GRID2: variants seen among roughly 807,000 people sequenced by gnomAD.
GRID2 encodes glutamate receptor ionotropic, delta-2.
A neutral mutation model predicts 114.8 loss-of-function variants in GRID2; 33 were observed. The observed-to-expected ratio is 0.29, with a 90% CI of 0.22 to 0.38. The LOEUF (loss-of-function observed/expected upper bound fraction) is 0.38. GRID2 is among the 10% of genes least tolerant of loss of function. The pLI is 1.00. For missense variants in GRID2, 1,184 were observed against 1,257.7 expected (o/e 0.94, Z 0.89); for synonymous variants, 505 against 449.9 (o/e 1.12, Z -1.55).
In GRID2 at chr4:92,400,424, C is replaced by T. The variant is rs184197943; in HGVS notation, c.88+95680C>T. 2.6e-3 allele frequency among the ~76,000 whole-genome samples: 402 copies of T among 152,248 alleles called. 3 individuals carry two copies. The highest frequency in any genetic ancestry group is 4.1e-3 in the Non-Finnish European group (277 of 68,006). ...TTTTCAAGGTTCATTCATGCTGTAGCATGTATTAGTACTTTATTCCTTTTT... is the reference window on the plus strand; with the variant it reads ...TTTTCAAGGTTCATTCATGCTGTAGTATGTATTAGTACTTTATTCCTTTTT... On this transcript the variant is annotated intron_variant, in intron 1 of 15. Coordinates refer to ENST00000282020, the MANE Select transcript of GRID2 (RefSeq NM_001510.4).
At chr4:92,420,585 A>G (rs1433025939) in intron 1 of GRID2, among the ~76,000 whole-genome samples, 1 of 152,136 alleles carries the variant, frequency 6.6e-6, no homozygotes, top group African/African-American at 2.4e-5. Context: ...TCTGTCCTTC[A>G]CATAATACAT....
intron 1 of GRID2, among the ~76,000 whole-genome samples, chr4:92,530,768 G>T (rs12650419): frequency 6.7e-6 from 1 of 150,182 alleles, no homozygotes; most frequent in Non-Finnish European, 1.5e-5. Context: ...TTAGCTGGGC[G>T]TGGTGGCGTG....
At chr4:93,636,209 G>T (rs369911917) in intron 14 of GRID2, among the ~76,000 whole-genome samples, 1 of 152,216 alleles carries the variant, frequency 6.6e-6, no homozygotes, top group East Asian at 1.9e-4. Context: ...CATGATGCTG[G>T]ACCAAGCTGC....
intron 2 of GRID2, among the ~76,000 whole-genome samples, chr4:92,850,288 G>A (rs1743678894): frequency 6.6e-6 from 1 of 151,460 alleles, no homozygotes; most frequent in Non-Finnish European, 1.5e-5. Flanking sequence ...CATATTGTAT[G>A]TTATAATTAT....
At chr4:92,836,603 T>A (rs980462114) in intron 2 of GRID2, among the ~76,000 whole-genome samples, 2 of 152,154 alleles carry the variant, frequency 1.3e-5, no homozygotes, top group Admixed American at 6.6e-5. Context: ...TTCATGTCCA[T>A]TTCTACTTTA....
At chr4:92,478,079 T>A in intron 1 of GRID2, among the ~76,000 whole-genome samples, 1 of 151,858 alleles carries the variant, frequency 6.6e-6, no homozygotes. Context: ...AAATTGACTG[T>A]ATCCCATCCA....
intron 14 of GRID2, among the ~76,000 whole-genome samples, chr4:93,681,865 C>CATGG (rs1725582903): frequency 1.3e-5 from 2 of 151,924 alleles, no homozygotes; most frequent in African/African-American, 4.8e-5. Context: ...AGGACATAGG[C>CATGG]ATGGGCAAGG....
intron 10 of GRID2, among the ~76,000 whole-genome samples, chr4:93,431,845 T>A (rs1203976157): frequency 2.6e-5 from 4 of 152,092 alleles, no homozygotes; most frequent in Non-Finnish European, 5.9e-5. Flanking sequence ...AGGATAAATA[T>A]CCTGGAACAG....
chr4:92,532,829 T>C (rs1019484113), intron 1 of GRID2, among the ~76,000 whole-genome samples: 1 of 152,096 alleles, frequency 6.6e-6, no homozygotes, highest in Non-Finnish European at 1.5e-5. Context: ...TCTCAACATT[T>C]TGGGAGGCCG....
At chr4:92,327,990 A>G (rs1181493929) in intron 1 of GRID2, among the ~76,000 whole-genome samples, 3 of 152,054 alleles carry the variant, frequency 2.0e-5, no homozygotes, top group African/African-American at 7.2e-5. Flanking sequence ...ATAAAAGATT[A>G]TTTTTACCAT....
At chr4:93,211,491 A>G (rs981841453) in intron 5 of GRID2, among the ~76,000 whole-genome samples, 1 of 152,136 alleles carries the variant, frequency 6.6e-6, no homozygotes, top group African/African-American at 2.4e-5. Context: ...ATCCATATAA[A>G]CAAAGCAATC....
At chr4:93,546,647 C>G (rs1349683134) in intron 13 of GRID2, among the ~76,000 whole-genome samples, 1 of 152,112 alleles carries the variant, frequency 6.6e-6, no homozygotes, top group Admixed American at 6.6e-5. Flanking sequence ...AAAGTAATGA[C>G]TCTTTTTCAG....
intron 8 of GRID2, among the ~76,000 whole-genome samples, chr4:93,391,795 GGAGCAGGC>G (rs530016944): frequency 3.7e-4 from 56 of 152,242 alleles, no homozygotes; most frequent in Admixed American, 1.1e-3. Context: ...ACACATGTTA[GGAGCAGGC>G]TACTGTGCTC....
intron 1 of GRID2, among the ~76,000 whole-genome samples, chr4:92,313,167 C>G (rs1350069605): frequency 6.6e-6 from 1 of 151,260 alleles, no homozygotes; most frequent in Non-Finnish European, 1.5e-5. Context: ...AACGAATTAA[C>G]AGCATTTGCA....
At chr4:92,539,903 A>G (rs1411804324) in intron 1 of GRID2, among the ~76,000 whole-genome samples, 1 of 152,136 alleles carries the variant, frequency 6.6e-6, no homozygotes, top group African/African-American at 2.4e-5. Context: ...CTATACTACA[A>G]GGCTACAATA....
intron 2 of GRID2, among the ~76,000 whole-genome samples, chr4:92,930,232 G>T (rs1367659304): frequency 6.6e-6 from 1 of 151,216 alleles, no homozygotes; most frequent in Admixed American, 6.6e-5. Flanking sequence ...ATCATATTAT[G>T]CTTTTTATCA....
intron 2 of GRID2, among the ~76,000 whole-genome samples, chr4:93,055,709 T>C (rs984365468): frequency 6.6e-6 from 1 of 151,974 alleles, no homozygotes; most frequent in African/African-American, 2.4e-5. Context: ...AACAAATTGA[T>C]TTCTACTGTT....
chr4:93,186,101 G>A (rs1476108167), intron 4 of GRID2, among the ~76,000 whole-genome samples: 2 of 152,142 alleles, frequency 1.3e-5, no homozygotes, highest in African/African-American at 4.8e-5. Context: ...TGGCTGCATA[G>A]TATTCCATGG....
At chr4:92,931,032 T>G (rs1235191208) in intron 2 of GRID2, among the ~76,000 whole-genome samples, 3 of 151,048 alleles carry the variant, frequency 2.0e-5, no homozygotes, top group African/African-American at 7.3e-5. Flanking sequence ...AGCATATCTC[T>G]GATACATAAA....
Sources: gnomAD v4.1 joint callset for allele counts (sites outside exome capture counted in the v4.1 genomes callset) on GRCh38, gnomAD v4.1.1 for gene constraint, MANE v1.5 for transcripts, NCBI Gene and HGNC (gene_info 2026-07-23, HGNC 2026-07-21) for gene names.